NFAT5: variants seen among roughly 807,000 people sequenced by gnomAD.
NFAT5 encodes the protein nuclear factor of activated T cells 5.
NFAT5 carries 31 observed loss-of-function variants against 166.5 expected under a neutral mutation model. The ratio of observed to expected loss-of-function variants is 0.19; its 90% CI spans 0.14 to 0.25. The LOEUF is 0.25. NFAT5 is among the 10% of genes least tolerant of loss of function. NFAT5 has a pLI of 1.00. For missense variants in NFAT5, 1,449 were observed against 1,821.8 expected (o/e 0.80, Z 3.72); for synonymous variants, 612 against 639.7 (o/e 0.96, Z 0.65).
At chr16:69,689,472 G>A (rs1288366236) in intron 11 of NFAT5, among the ~76,000 whole-genome samples, 1 of 152,176 alleles carries the variant, frequency 6.6e-6, no homozygotes. Flanking sequence ...ATAGGAATTA[G>A]GTTTTTAGCC....
At chr16:69,570,554 A>G (rs1288995182) in intron 2 of NFAT5, among the ~76,000 whole-genome samples, 1 of 140,240 alleles carries the variant, frequency 7.1e-6, no homozygotes, top group Non-Finnish European at 1.5e-5. Context: ...ACTTTCTTAT[A>G]TTAATTATTA....
chr16:69,655,969 T>G (rs1390994572), intron 6 of NFAT5, among the ~76,000 whole-genome samples, 170 bp downstream of exon 6: 1 of 152,172 alleles, frequency 6.6e-6, no homozygotes, highest in Non-Finnish European at 1.5e-5. Context: ...ATTAACTCTT[T>G]TACCATTTGC....
rs199913132 is a variant in NFAT5, at chr16:69,683,213, AAAGAAAAAAAG to A, written c.1691-1664_1691-1654del. On this transcript the variant is annotated intron_variant, in intron 10 of 14. Coordinates refer to ENST00000349945, the MANE Select transcript of NFAT5 (RefSeq NM_138713.4). ...GCAACAAGAGCGAAACTCCGTCTCA[AAAGAAAAAAAG>A]AAGAAAAAAGAAAAGTAGAAATTAA... Among the ~76,000 whole-genome samples, 240 of 152,230 alleles carry A rather than the reference AAAGAAAAAAAG, an allele frequency of 1.6e-3. 2 individuals are homozygous for A. The East Asian group carries it at 0.024, about 15-fold the overall frequency.
At chr16:69,583,466 C>A (rs1361818507) in intron 2 of NFAT5, among the ~76,000 whole-genome samples, 2 of 152,134 alleles carry the variant, frequency 1.3e-5, no homozygotes, top group African/African-American at 4.8e-5. Flanking sequence ...CCTCCCATCT[C>A]ATTCTTCCAA....
rs1184176841 is a variant in NFAT5, at chr16:69,697,056, C to T, written c.*705C>T. On this transcript the variant is annotated 3_prime_UTR_variant, in exon 15 of 15. Coordinates refer to ENST00000349945, the MANE Select transcript of NFAT5 (RefSeq NM_138713.4). ...ACTAAGGGGTTTAGCCATAACTGTG[C>T]ATAGAAAAATAATTATCTGTAAAAA... 1 of 152,460 alleles carries T rather than the reference C, an allele frequency of 6.6e-6. No individual in the cohort carries two copies. Among genetic ancestry groups the T allele is most frequent in the African/African-American group, 2.4e-5 (1 of 41,378 alleles). The allele number at this position is 152,460 out of a possible 1,614,324, so 9.4% of individuals were successfully genotyped here.
At chr16:69,682,318 A>C (rs905512204) in intron 10 of NFAT5, among the ~76,000 whole-genome samples, 6 of 150,878 alleles carry the variant, frequency 4.0e-5, no homozygotes, top group African/African-American at 1.5e-4. Flanking sequence ...TCTAAAAAAG[A>C]AATTACTGGC....
Position 69,647,172 on chromosome 16 carries a change from G to A in NFAT5, c.398G>A (p.Ser133Asn). ...VESCSSAVGV[S>N]NRGVSEKQLT... ...AGCTGCTCCTCAGCCGTGGGGGTAA[G>A]TAACAGAGGGGTAAGTGAAAAGCAG... Residue 133 changes from serine (S) to asparagine (N), a missense_variant, in exon 4 of 15, where the codon AGT becomes AAT. Around this residue, in one of 7 missense-constraint regions of NFAT5, gnomAD observed 172 missense variants for 194.5 expected, o/e 0.88. Coordinates refer to ENST00000349945, the MANE Select transcript of NFAT5 (RefSeq NM_138713.4). This position sits in a 1 kb window ranked among gnomAD's most constrained non-coding sequence, Gnocchi z 4.8. 1.2e-6 allele frequency: 2 copies of A among 1,614,128 alleles called. No individual in the cohort carries two copies. The highest frequency in any genetic ancestry group is 8.5e-7 in the Non-Finnish European group (1 of 1,179,982).
In NFAT5 at chr16:69,701,681, A is replaced by G. The variant is rs970803504; in HGVS notation, c.*5330A>G. On this transcript the variant is annotated 3_prime_UTR_variant, in exon 15 of 15. Transcript: ENST00000349945. ...AGAATTTTAGCATCTGTGAAACTCC[A>G]TGCACCAGATGTGTGTAAATTTCAG... The G allele has an allele frequency of 2.0e-5, 3 of 152,248 alleles. No homozygotes were observed. Among genetic ancestry groups the G allele is most frequent in the Non-Finnish European group, 4.4e-5 (3 of 68,044 alleles). 9.4% of individuals were successfully genotyped at this position (152,248 alleles called of 1,614,324 possible).
intron 13 of NFAT5, among the ~76,000 whole-genome samples, chr16:69,694,785 GATA>G (rs1333141684): frequency 6.6e-6 from 1 of 152,244 alleles, no homozygotes; most frequent in African/African-American, 2.4e-5. Flanking sequence ...CAGAATGACA[GATA>G]ATACCTTACC....
At position 69,692,748 on chromosome 16, in the gene NFAT5, TCTC is replaced by T. The variant is rs764212079; in HGVS notation, c.2929_2931del (p.Pro977del). 3.1e-6 allele frequency: 5 copies of T among 1,614,196 alleles called. No homozygotes were observed. Among genetic ancestry groups the T allele is most frequent in the Admixed American group, 1.7e-5 (1 of 60,016 alleles). On this transcript the variant is annotated inframe_deletion, in exon 13 of 15. Transcript: ENST00000349945. ...GCAAATGCAGTGTGAATTGTTTTCT[TCTC>T]CTCCTGCAGTTTCTGGAAATGAAAC... is the stretch of plus-strand genomic sequence containing the variant.
rs1254617705 is a variant in NFAT5 at position 69,655,753 on chromosome 16, A to G, written c.1150A>G (p.Thr384Ala). The G allele has an allele frequency of 6.2e-7, 1 of 1,613,806 alleles. No homozygotes were observed. Among genetic ancestry groups the G allele is most frequent in the African/African-American group, 1.3e-5 (1 of 74,920 alleles). ...CAAAGAAGTGGACATTGAAGGCACT[A>G]CTGTTATAGAAGTCGGCCTTGATCC... is the stretch of plus-strand genomic sequence containing the variant. ...PCKEVDIEGT[T>A]VIEVGLDPSN... Residue 384 changes from threonine (T) to alanine (A), a missense_variant, in exon 6 of 15, where the codon ACT becomes GCT. This residue lies in a region of NFAT5 where 245 missense variants were observed against 366.6 expected (regional missense o/e 0.67). Coordinates refer to ENST00000349945, the MANE Select transcript of NFAT5 (RefSeq NM_138713.4).
At chr16:69,608,715 C>G (rs563976826) in intron 2 of NFAT5, among the ~76,000 whole-genome samples, 64 of 151,356 alleles carry the variant, frequency 4.2e-4, no homozygotes, top group African/African-American at 1.5e-3. Flanking sequence ...CCTGGGTTCA[C>G]GCCATTCTCC....
chr16:69,626,232 G>A (rs1168967159), intron 2 of NFAT5, among the ~76,000 whole-genome samples, 171 bp from the exon 3 acceptor site: 1 of 152,092 alleles, frequency 6.6e-6, no homozygotes, highest in Non-Finnish European at 1.5e-5. Context: ...GATTACAGGT[G>A]TGAGCCACTG....
rs2037817935 is a variant in NFAT5, at chr16:69,698,018, G to T, written c.*1667G>T. 6.7e-6 allele frequency: 1 copy of T among 149,450 alleles called. No individual in the cohort carries two copies. Among genetic ancestry groups the T allele is most frequent in the Non-Finnish European group, 1.5e-5 (1 of 67,600 alleles). The allele number at this position is 149,450 out of a possible 1,614,324, so 9.3% of individuals were successfully genotyped here. A position where few individuals can be genotyped will look rare whatever the true frequency, so the allele number is the denominator to read the frequency against. On this transcript the variant is annotated 3_prime_UTR_variant, in exon 15 of 15. Coordinates refer to ENST00000349945, the MANE Select transcript of NFAT5 (RefSeq NM_138713.4). ...GGTGTTGGTTTTGTTTACACAGCCA[G>T]ATTTTTCCTTCTTTTTGTTTTGTGA...
At chr16:69,569,200 T>C (rs1384781497) in intron 2 of NFAT5, among the ~76,000 whole-genome samples, 1 of 152,162 alleles carries the variant, frequency 6.6e-6, no homozygotes, top group Non-Finnish European at 1.5e-5. Flanking sequence ...AGTCTTGTGT[T>C]TTTGTAGATT....
intron 3 of NFAT5, among the ~76,000 whole-genome samples, chr16:69,634,991 C>T (rs149207119): frequency 6.6e-6 from 1 of 151,616 alleles, no homozygotes; most frequent in East Asian, 1.9e-4. Flanking sequence ...GACCTCCTTC[C>T]CCATGTGTTT....
In NFAT5 at chr16:69,607,332, T is replaced by C. The variant is rs1162114762; in HGVS notation, c.128-19071T>C. 2.6e-5 allele frequency among the ~76,000 whole-genome samples: 4 copies of C among 152,370 alleles called. No individual in the cohort carries two copies. The East Asian group carries it at 7.7e-4, about 29-fold the overall frequency. On this transcript the variant is annotated intron_variant, in intron 2 of 14. Transcript: ENST00000349945. Reference sequence around the variant, plus strand: ...AGGATCAGATGCTTTGTATAATGGTTGTAGACTTTTCCAAGGAATCTTGTG... The same window carrying C: ...AGGATCAGATGCTTTGTATAATGGTCGTAGACTTTTCCAAGGAATCTTGTG...
At chr16:69,580,812 C>T (rs191157275) in intron 2 of NFAT5, among the ~76,000 whole-genome samples, 157 of 152,074 alleles carry the variant, frequency 1.0e-3, no homozygotes, top group Non-Finnish European at 1.8e-3. Context: ...CCCGCCACCA[C>T]GCCTGGCTAA....
intron 2 of NFAT5, among the ~76,000 whole-genome samples, chr16:69,569,774 ATG>A (rs1286276392): frequency 6.6e-6 from 1 of 152,228 alleles, no homozygotes; most frequent in African/African-American, 2.4e-5. Flanking sequence ...AGCATATAAA[ATG>A]TTCTCAAATA....
Sources: allele counts gnomAD v4.1 joint callset (sites outside exome capture counted in the v4.1 genomes callset), GRCh38; gene constraint gnomAD v4.1.1; regional missense constraint gnomAD v4.1.1; non-coding constraint Gnocchi (gnomAD v3.1); transcripts MANE v1.5; gene names NCBI Gene and HGNC (gene_info 2026-07-23, HGNC 2026-07-21).